ADGRB3: variants seen among roughly 807,000 people sequenced by gnomAD.
ADGRB3 encodes adhesion G protein-coupled receptor B3.
ADGRB3 carries 37 observed loss-of-function variants against 193.4 expected under a neutral mutation model. The observed-to-expected ratio is 0.19, with a 90% confidence interval of 0.15 to 0.25. ADGRB3 has a LOEUF of 0.25. Ranked by LOEUF, ADGRB3 falls within the 10% of genes least tolerant of loss-of-function variation. The pLI is 1.00. For missense variants in ADGRB3, 1,637 were observed against 1,852.9 expected (o/e 0.88, Z 2.14); for synonymous variants, 690 against 644.2 (o/e 1.07, Z -1.08).
At chr6:69,260,490 T>G (rs1766900525) in intron 20 of ADGRB3, among the ~76,000 whole-genome samples, 1 of 152,172 alleles carries the variant, frequency 6.6e-6, no homozygotes, top group African/African-American at 2.4e-5. Context: ...AGAGTCAACT[T>G]GGCATAGCAA....
chr6:69,169,392 T>A (rs3799048), intron 17 of ADGRB3, among the ~76,000 whole-genome samples: 42,104 of 151,628 alleles, frequency 0.28, 8,155 homozygotes, highest in East Asian at 0.85. Flanking sequence ...TTATTTTAAA[T>A]TTGTCTTACA....
chr6:68,845,102 G>T (rs1196839060), intron 3 of ADGRB3, among the ~76,000 whole-genome samples: 1 of 152,092 alleles, frequency 6.6e-6, no homozygotes, highest in Admixed American at 6.6e-5. Context: ...TTATACATTT[G>T]AAGTAACTAA....
At chr6:69,388,606 G>A (rs1325706703) in intron 31 of ADGRB3, 97 bp from the exon 32 acceptor site, 2 of 1,179,436 alleles carry the variant, frequency 1.7e-6, no homozygotes, top group African/African-American at 1.6e-5. Context: ...CACAGAAACT[G>A]GATTAAGATT....
At chr6:69,282,348 G>A (rs1392001978) in intron 20 of ADGRB3, among the ~76,000 whole-genome samples, 1 of 152,060 alleles carries the variant, frequency 6.6e-6, no homozygotes, top group Non-Finnish European at 1.5e-5. Flanking sequence ...AAAAAAAGCA[G>A]TACAAAAATG....
chr6:68,975,121 T>C, intron 9 of ADGRB3, 113 bp from the exon 10 acceptor site: 1 of 827,872 alleles, frequency 1.2e-6, no homozygotes, highest in Non-Finnish European at 1.9e-6. Context: ...TTCATGTGCA[T>C]GTTTTTTAAA....
intron 11 of ADGRB3, 96 bp from the exon 12 acceptor site, chr6:69,013,942 C>T: frequency 1.4e-6 from 1 of 709,914 alleles, no homozygotes; most frequent in East Asian, 2.8e-5. Context: ...TTGCAAAGTG[C>T]TTATACCTTT....
intron 3 of ADGRB3, among the ~76,000 whole-genome samples, chr6:68,750,672 G>T (rs1039000403): frequency 6.6e-6 from 1 of 151,900 alleles, no homozygotes; most frequent in Non-Finnish European, 1.5e-5. Flanking sequence ...GAGCTCTTTC[G>T]CTGTGTGTTT....
intron 20 of ADGRB3, among the ~76,000 whole-genome samples, chr6:69,278,216 A>G (rs1767344232): frequency 6.6e-6 from 1 of 152,232 alleles, no homozygotes; most frequent in South Asian, 2.1e-4. Flanking sequence ...ACAACAAGGC[A>G]TCTTGGAAAA....
At chr6:69,244,949 C>A (rs1445472815) in intron 20 of ADGRB3, among the ~76,000 whole-genome samples, 1 of 151,996 alleles carries the variant, frequency 6.6e-6, no homozygotes, top group Non-Finnish European at 1.5e-5. Flanking sequence ...TCCTTCTCTT[C>A]ATACCTTCAT....
chr6:69,005,905 T>C (rs1262087565), intron 11 of ADGRB3, among the ~76,000 whole-genome samples: 5 of 152,160 alleles, frequency 3.3e-5, no homozygotes, highest in Non-Finnish European at 7.3e-5. Context: ...GATGGCATCC[T>C]GTATTATAAT....
chr6:68,647,759 G>A (rs1271171699), intron 3 of ADGRB3, among the ~76,000 whole-genome samples: 2 of 152,048 alleles, frequency 1.3e-5, no homozygotes, highest in Non-Finnish European at 2.9e-5. Flanking sequence ...AATCTTTGCT[G>A]GATTCTGCAA....
chr6:69,090,131 A>G (rs1445685678), intron 17 of ADGRB3, among the ~76,000 whole-genome samples: 2 of 152,166 alleles, frequency 1.3e-5, no homozygotes, highest in African/African-American at 4.8e-5. Context: ...TTCATTTTCT[A>G]AACTTCTATT....
intron 3 of ADGRB3, among the ~76,000 whole-genome samples, chr6:68,677,049 A>G (rs1421027456): frequency 6.6e-6 from 1 of 152,190 alleles, no homozygotes; most frequent in Non-Finnish European, 1.5e-5. Context: ...ATTCCTGTGT[A>G]GTGCACATCT....
In ADGRB3 at chr6:68,963,155, G is replaced by A. The variant is rs190113466; in HGVS notation, c.1525+6346G>A. ...CTGCCACCAGCTTCCAGTAAGGGAG[G>A]AGCAGTGCAGCAGGAAGAGCCTGAA... On this transcript the variant is annotated intron_variant, in intron 8 of 31. Transcript: ENST00000370598. Among the ~76,000 whole-genome samples, 13 of 152,242 alleles carry A rather than the reference G, an allele frequency of 8.5e-5. No homozygotes were observed. The East Asian group carries it at 2.5e-3, about 29-fold the overall frequency.
At chr6:69,259,695 C>CAAAAAAAAAAAAAA (rs397887907) in intron 20 of ADGRB3, among the ~76,000 whole-genome samples, 2 of 76,158 alleles carry the variant, frequency 2.6e-5, no homozygotes, top group African/African-American at 9.7e-5. Flanking sequence ...GACTCTGTCT[C>CAAAAAAAAAAAAAA]AAAAAAAAAA....
At chr6:69,185,546 C>G (rs1765048762) in intron 17 of ADGRB3, among the ~76,000 whole-genome samples, 1 of 152,160 alleles carries the variant, frequency 6.6e-6, no homozygotes, top group Admixed American at 6.5e-5. Context: ...ATTTTATCTA[C>G]CACTATTCGT....
At chr6:68,710,777 A>G (rs1278188310) in intron 3 of ADGRB3, among the ~76,000 whole-genome samples, 1 of 152,122 alleles carries the variant, frequency 6.6e-6, no homozygotes, top group Non-Finnish European at 1.5e-5. Context: ...CTATTAGCCC[A>G]GTGTTTCTCA....
chr6:68,721,485 G>A (rs1015496751), intron 3 of ADGRB3, among the ~76,000 whole-genome samples: 1 of 151,486 alleles, frequency 6.6e-6, no homozygotes, highest in African/African-American at 2.4e-5. Context: ...GTGGGGTGGG[G>A]GCAGGGGGGA....
chr6:68,772,892 AAAATATATATATAT>A (rs1445962777), intron 3 of ADGRB3, among the ~76,000 whole-genome samples: 2,879 of 30,496 alleles, frequency 0.094, 144 homozygotes, highest in Non-Finnish European at 0.12. Context: ...CAAAAAAAAA[AAAATATATATATAT>A]ATATATATAT....
Sources: allele counts gnomAD v4.1 joint callset (sites outside exome capture counted in the v4.1 genomes callset), GRCh38; gene constraint gnomAD v4.1.1; transcripts MANE v1.5; gene names NCBI Gene and HGNC (gene_info 2026-07-23, HGNC 2026-07-21).